GPHN: variants seen among roughly 807,000 people sequenced by gnomAD.
GPHN encodes the protein gephyrin.
In GPHN, 17 loss-of-function variants were observed where a neutral mutation model predicts 95.5. The observed-to-expected ratio is 0.18, with a 90% confidence interval of 0.12 to 0.27. The LOEUF is 0.27. GPHN is among the 10% of genes least tolerant of loss of function. The pLI, the probability that GPHN is intolerant of heterozygous loss-of-function variation, is 1.00. For missense variants in GPHN, 660 were observed against 978.1 expected (o/e 0.67, Z 4.34); for synonymous variants, 320 against 322.5 (o/e 0.99, Z 0.08).
At chr14:66,984,059 G>A (rs920365071) in intron 9 of GPHN, among the ~76,000 whole-genome samples, 1 of 152,092 alleles carries the variant, frequency 6.6e-6, no homozygotes, top group African/African-American at 2.4e-5. Context: ...GGAAATAAAA[G>A]ACAACATAGA....
intron 11 of GPHN, among the ~76,000 whole-genome samples, chr14:67,069,502 A>G (rs2076197308): frequency 6.6e-6 from 1 of 152,254 alleles, no homozygotes; most frequent in South Asian, 2.1e-4. Context: ...TGCCGTGGTC[A>G]GTATTCTAAA....
chr14:67,657,250 A>G, the GPHN span: 1 of 152,324 alleles, frequency 6.6e-6, no homozygotes, highest in African/African-American at 2.4e-5. Flanking sequence ...GAAAGCATGT[A>G]GAAGTCTGAG....
At chr14:66,566,345 T>C (rs2140322019) in intron 1 of GPHN, among the ~76,000 whole-genome samples, 1 of 152,274 alleles carries the variant, frequency 6.6e-6, no homozygotes, top group Non-Finnish European at 1.5e-5. Context: ...TCAAATAGGC[T>C]TACTAGAAAC....
the GPHN span, among the ~76,000 whole-genome samples, chr14:67,636,087 C>T: frequency 6.6e-6 from 1 of 152,070 alleles, no homozygotes; most frequent in Non-Finnish European, 1.5e-5. Context: ...AAACTGCACA[C>T]TAAGAGGCCC....
chr14:67,425,269 G>T, the GPHN span, among the ~76,000 whole-genome samples: 20 of 152,142 alleles, frequency 1.3e-4, no homozygotes, highest in Admixed American at 1.3e-3. Flanking sequence ...AATTTTTGTA[G>T]GCCAGGTACA....
chr14:67,710,185 G>A, the GPHN span, among the ~76,000 whole-genome samples: 2 of 152,072 alleles, frequency 1.3e-5, no homozygotes, highest in African/African-American at 2.4e-5. Context: ...ACCACTTTGG[G>A]TACATGTCAT....
chr14:66,758,678 A>C (rs2058657294), intron 2 of GPHN, among the ~76,000 whole-genome samples: 1 of 152,174 alleles, frequency 6.6e-6, no homozygotes, highest in Non-Finnish European at 1.5e-5. Flanking sequence ...GTTTGGGTGC[A>C]TGGGGCTTGG....
chr14:67,323,232 C>CATGTGTGTGTGTGT, the GPHN span, among the ~76,000 whole-genome samples: 898 of 143,570 alleles, frequency 6.3e-3, 13 homozygotes, highest in African/African-American at 0.022. Flanking sequence ...CATATATACA[C>CATGTGTGTGTGTGT]GTGTGTGTGT....
chr14:66,801,889 T>C (rs2060367980), intron 3 of GPHN, among the ~76,000 whole-genome samples: 1 of 152,108 alleles, frequency 6.6e-6, no homozygotes, highest in Non-Finnish European at 1.5e-5. Flanking sequence ...GGCCACCATC[T>C]CTAGGACTGC....
At chr14:67,387,351 T>C in the GPHN span, 2 of 1,611,456 alleles carry the variant, frequency 1.2e-6, no homozygotes, top group Non-Finnish European at 1.7e-6. Context: ...TTTGATAGCT[T>C]CAATCCACTC....
intron 5 of GPHN, among the ~76,000 whole-genome samples, chr14:66,904,341 T>C (rs540873702): frequency 6.6e-6 from 1 of 152,220 alleles, no homozygotes; most frequent in South Asian, 2.1e-4. Flanking sequence ...TGCTGATTGG[T>C]CCATTTTACA....
chr14:66,972,240 C>A (rs1346678286), intron 9 of GPHN, among the ~76,000 whole-genome samples: 5 of 145,038 alleles, frequency 3.4e-5, no homozygotes, highest in African/African-American at 7.8e-5. Context: ...TGCACTCCAG[C>A]CGGGGCAAAA....
chr14:66,508,201 GT>G lies in GPHN; in HGVS notation c.-325del, dbSNP rs1248103344. On this transcript the variant is annotated 5_prime_UTR_variant, in exon 1 of 23. Coordinates refer to ENST00000478722, the MANE Select transcript of GPHN (RefSeq NM_020806.5). Reference sequence around the variant, plus strand: ...CCTTGGGTCTCGCGCTCCGCAGAGCGTTCCGACACTCTCCGGCCTCGTTCTG... The same window carrying G: ...CCTTGGGTCTCGCGCTCCGCAGAGCGTCCGACACTCTCCGGCCTCGTTCTG... 1 of 509,528 alleles carries G rather than the reference GT, an allele frequency of 2.0e-6. No individual in the cohort carries two copies. Among genetic ancestry groups the G allele is most frequent in the African/African-American group, 1.9e-5 (1 of 51,574 alleles). The allele number at this position is 509,528 out of a possible 1,614,324, so 31.6% of individuals were successfully genotyped here.
At chr14:67,013,480 T>C (rs1233133013) in intron 9 of GPHN, among the ~76,000 whole-genome samples, 1 of 152,090 alleles carries the variant, frequency 6.6e-6, no homozygotes, top group Non-Finnish European at 1.5e-5. Flanking sequence ...TTGTTAACTA[T>C]TACTTGGTTA....
At chr14:67,672,683 T>C in the GPHN span, among the ~76,000 whole-genome samples, 18,981 of 151,608 alleles carry the variant, frequency 0.13, 1,441 homozygotes, top group South Asian at 0.33. Context: ...CCTCAAGTGA[T>C]CCGCCCGCCT....
intron 1 of GPHN, among the ~76,000 whole-genome samples, chr14:66,559,649 A>C (rs2060148624): frequency 1.3e-5 from 2 of 151,936 alleles, no homozygotes; most frequent in African/African-American, 2.4e-5. Context: ...GCCCCTTGTC[A>C]GATGAGTAGG....
intron 13 of GPHN, among the ~76,000 whole-genome samples, chr14:67,104,549 G>T (rs1396204182): frequency 6.6e-6 from 1 of 151,478 alleles, no homozygotes; most frequent in African/African-American, 2.4e-5. Context: ...TGATTGATCT[G>T]TTCAGGTTTT....
the GPHN span, among the ~76,000 whole-genome samples, chr14:67,630,846 G>T: frequency 6.6e-6 from 1 of 152,184 alleles, no homozygotes; most frequent in Non-Finnish European, 1.5e-5. Context: ...GCCTCCCAAA[G>T]TGCTGGGATT....
the GPHN span, among the ~76,000 whole-genome samples, chr14:67,322,455 G>T: frequency 6.6e-6 from 1 of 152,138 alleles, no homozygotes; most frequent in East Asian, 1.9e-4. Flanking sequence ...TTTAGCATAC[G>T]ACTTTCCTTA....
Sources: allele counts gnomAD v4.1 joint callset (sites outside exome capture counted in the v4.1 genomes callset), GRCh38; gene constraint gnomAD v4.1.1; transcripts MANE v1.5; gene names NCBI Gene and HGNC (gene_info 2026-07-23, HGNC 2026-07-21).